SLC2A13: variants seen among roughly 807,000 people sequenced by gnomAD.
The protein encoded by SLC2A13 is solute carrier family 2 member 13, also known as proton myo-inositol cotransporter.
A neutral mutation model predicts 64.4 loss-of-function variants in SLC2A13; 32 were observed. The ratio of observed to expected loss-of-function variants is 0.50; its 90% confidence interval spans 0.37 to 0.67. The LOEUF is 0.67. Ranked by LOEUF, SLC2A13 falls within the 30% of genes least tolerant of loss-of-function variation. The pLI, the probability that SLC2A13 is intolerant of heterozygous loss-of-function variation, is 0.00. For missense variants in SLC2A13, 743 were observed against 829.2 expected, an observed-to-expected ratio of 0.90 and a Z score of 1.28; for synonymous variants, 338 against 327.1, an observed-to-expected ratio of 1.03 and a Z score of -0.36.
chr12:39,886,307 C>A (rs374434359), intron 4 of SLC2A13, among the ~76,000 whole-genome samples: 2 of 152,080 alleles, frequency 1.3e-5, no homozygotes, highest in African/African-American at 4.8e-5. Context: ...CTTTGATGTT[C>A]AAAGGGAGAG....
In SLC2A13 at chr12:40,069,594, T is replaced by A. The variant is rs751927851; in HGVS notation, c.557-21384A>T. ...ACCAGCATCTACAGATGCTATCTTG[T>A]TACCATGGAAATGCAGAATATATGA... is the stretch of plus-strand genomic sequence containing the variant. On this transcript the variant is annotated intron_variant, in intron 1 of 9. Transcript: ENST00000280871. 2.6e-5 allele frequency among the ~76,000 whole-genome samples: 4 copies of A among 152,102 alleles called. No homozygotes were observed. The South Asian group carries it at 8.3e-4, about 32-fold the overall frequency.
intron 4 of SLC2A13, among the ~76,000 whole-genome samples, chr12:39,878,666 T>C (rs1944258400): frequency 6.6e-6 from 1 of 152,260 alleles, no homozygotes; most frequent in Non-Finnish European, 1.5e-5. Context: ...TACTTAAAGT[T>C]GCTGCTTATA....
intron 5 of SLC2A13, among the ~76,000 whole-genome samples, chr12:39,870,079 T>C (rs1383266246): frequency 6.6e-6 from 1 of 152,180 alleles, no homozygotes; most frequent in African/African-American, 2.4e-5. Context: ...GATAAGAAAG[T>C]GTTTTACTGG....
chr12:39,927,422 GT>G (rs924229215), intron 4 of SLC2A13, among the ~76,000 whole-genome samples: 4 of 152,116 alleles, frequency 2.6e-5, no homozygotes, highest in East Asian at 1.9e-4. Context: ...ATACTCTTGA[GT>G]TTTTTTCCCC....
intron 6 of SLC2A13, among the ~76,000 whole-genome samples, chr12:39,853,942 C>G (rs1036016667): frequency 3.3e-5 from 5 of 151,968 alleles, no homozygotes; most frequent in African/African-American, 1.2e-4. Context: ...TCATTTGGTA[C>G]TTGATTTTCA....
At chr12:39,871,090 A>C (rs957994355) in intron 5 of SLC2A13, among the ~76,000 whole-genome samples, 5 of 152,224 alleles carry the variant, frequency 3.3e-5, no homozygotes, top group Admixed American at 1.3e-4. Context: ...GAAAAAAATT[A>C]GAAAATTATA....
chr12:39,838,397 C>T (rs1466092502), intron 6 of SLC2A13, among the ~76,000 whole-genome samples: 2 of 141,864 alleles, frequency 1.4e-5, no homozygotes, highest in Non-Finnish European at 3.0e-5. Flanking sequence ...TGCTAGATGA[C>T]GAGTTAGTGG....
chr12:40,065,793 C>A (rs1176259953), intron 1 of SLC2A13, among the ~76,000 whole-genome samples: 1 of 152,166 alleles, frequency 6.6e-6, no homozygotes, highest in African/African-American at 2.4e-5. Context: ...ACAATAATTT[C>A]TTAAATACCT....
chr12:39,861,071 A>G (rs1943746679), intron 6 of SLC2A13, among the ~76,000 whole-genome samples: 1 of 152,162 alleles, frequency 6.6e-6, no homozygotes, highest in Non-Finnish European at 1.5e-5. Context: ...AGTTCCTTGC[A>G]CTTGCCACGT....
intron 4 of SLC2A13, among the ~76,000 whole-genome samples, chr12:39,918,468 A>G (rs1350221209): frequency 6.6e-6 from 1 of 151,420 alleles, no homozygotes; most frequent in Non-Finnish European, 1.5e-5. Context: ...TGGCTCTTCC[A>G]TGGAAAAGCA....
At chr12:39,809,251 T>C (rs922941065) in intron 7 of SLC2A13, among the ~76,000 whole-genome samples, 2 of 152,222 alleles carry the variant, frequency 1.3e-5, no homozygotes, top group Non-Finnish European at 2.9e-5. Flanking sequence ...TTCTGGACTT[T>C]ATTCTGTTCC....
At chr12:39,987,154 T>A (rs550853165) in intron 3 of SLC2A13, among the ~76,000 whole-genome samples, 1 of 152,292 alleles carries the variant, frequency 6.6e-6, no homozygotes, top group South Asian at 2.1e-4. Context: ...AAAACAAACC[T>A]ATAGCTTCAC....
intron 1 of SLC2A13, among the ~76,000 whole-genome samples, chr12:40,057,590 C>T (rs917765625): frequency 2.6e-5 from 4 of 152,068 alleles, no homozygotes; most frequent in Admixed American, 1.3e-4. Flanking sequence ...TTTCCTTAAC[C>T]ATTTTTCCAG....
chr12:39,781,086 C>T (rs1940965948), intron 7 of SLC2A13, among the ~76,000 whole-genome samples: 1 of 152,096 alleles, frequency 6.6e-6, no homozygotes, highest in African/African-American at 2.4e-5. Context: ...ATTTTAACTG[C>T]AATTGCCTTT....
intron 4 of SLC2A13, among the ~76,000 whole-genome samples, chr12:39,878,955 G>A (rs1224775875): frequency 6.6e-6 from 1 of 152,252 alleles, no homozygotes; most frequent in Non-Finnish European, 1.5e-5. Flanking sequence ...AGAGCCTACT[G>A]CCCTGTGCAG....
Position 40,055,990 on chromosome 12 carries a change from C to CA in SLC2A13, c.557-7781dup, listed in dbSNP as rs148186675. On this transcript the variant is annotated intron_variant, in intron 1 of 9. Transcript: ENST00000280871. ...CACTCCACAGGCCAAAAAAAACAAA[C>CA]AAAAAAAAAACAAAACAAACAACAA... Among the ~76,000 whole-genome samples the CA allele has an allele frequency of 5.1e-3, 695 of 137,028 alleles. 5 individuals are homozygous for CA. The highest frequency in any genetic ancestry group is 0.024 in the East Asian group (109 of 4,616). The allele number at this position is 137,028 out of a possible 152,430, so 89.9% of individuals were successfully genotyped here. A position where few individuals can be genotyped will look rare whatever the true frequency, so the allele number is the denominator to read the frequency against.
chr12:40,095,750 A>T (rs1435718227), intron 1 of SLC2A13, among the ~76,000 whole-genome samples: 1 of 152,270 alleles, frequency 6.6e-6, no homozygotes, highest in Admixed American at 6.5e-5. Flanking sequence ...TATATAATAC[A>T]TATTAGTAAT....
At chr12:39,925,871 G>C (rs74089321) in intron 4 of SLC2A13, among the ~76,000 whole-genome samples, 2,733 of 152,214 alleles carry the variant, frequency 0.018, 102 homozygotes, top group African/African-American at 0.062. Context: ...TCTTTCCCCA[G>C]TAATACAGAG....
chr12:39,963,204 G>A (rs895760596), intron 3 of SLC2A13, among the ~76,000 whole-genome samples: 28 of 149,854 alleles, frequency 1.9e-4, no homozygotes, highest in Admixed American at 4.0e-4. Flanking sequence ...GGAGAATGGC[G>A]TGAATCCAGG....
Sources: allele counts gnomAD v4.1 joint callset (sites outside exome capture counted in the v4.1 genomes callset), GRCh38; gene constraint gnomAD v4.1.1; transcripts MANE v1.5; gene names NCBI Gene and HGNC (gene_info 2026-07-23, HGNC 2026-07-21).